AFM: variants seen among roughly 807,000 people sequenced by gnomAD.
AFM encodes the protein alpha-Alb.
Under a neutral mutation model 68.7 loss-of-function variants are expected in AFM, and 82 were observed. The observed-to-expected ratio is 1.19, with a 90% confidence interval of 1.00 to 1.43. The LOEUF (loss-of-function observed/expected upper bound fraction) is 1.43. Ranked by LOEUF, AFM falls within the 40% of genes most tolerant of loss-of-function variation. The probability of loss-of-function intolerance (pLI) is 0.00; values close to 1 mark genes in which losing one functional copy is unlikely to be tolerated. For missense variants in AFM, 772 were observed against 701.8 expected (o/e 1.10, Z -1.13); for synonymous variants, 250 against 234.2 (o/e 1.07, Z -0.61).
At position 73,484,106 on chromosome 4, in the gene AFM, A is replaced by G. The variant is rs1016229958; in HGVS notation, c.137+117A>G. On this transcript the variant is annotated intron_variant, in intron 2 of 14. Transcript: ENST00000226355. ...AAGCCATATCCAAGAAGACAACTTT[A>G]ATTATAAAATTCAGGCAAAGAAGTT... The G allele has an allele frequency of 5.9e-6, 8 of 1,362,370 alleles. No homozygotes were observed. The African/African-American group carries it at 1.2e-4, about 20-fold the overall frequency. 84.4% of individuals were successfully genotyped at this position (1,362,370 alleles called of 1,614,324 possible). A position where few individuals can be genotyped will look rare whatever the true frequency, so the allele number is the denominator to read the frequency against.
At position 73,489,035 on chromosome 4, in the gene AFM, A is replaced by G. The variant is rs575496812; in HGVS notation, c.843+276A>G. On this transcript the variant is annotated intron_variant, in intron 7 of 14. Transcript: ENST00000226355. The stretch of plus-strand genomic sequence containing the variant: ...AGAAATTTCAAATTTTTCATAGTTC[A>G]TTTAGTACAGATTGAAGTTTTCTCT... Among the ~76,000 whole-genome samples the G allele has an allele frequency of 2.6e-5, 4 of 152,298 alleles. No individual in the cohort carries two copies. The South Asian group carries it at 8.3e-4, about 32-fold the overall frequency.
At chr4:73,499,275 C>CTT (rs67050083) in intron 11 of AFM, 29 bp downstream of exon 11, 1,449 of 1,217,902 alleles carry the variant, frequency 1.2e-3, no homozygotes, top group South Asian at 1.6e-3. Context: ...CCAGACTACT[C>CTT]TTTTTTTTTT....
chr4:73,498,491 T>C (rs1166259079), intron 10 of AFM, among the ~76,000 whole-genome samples: 1 of 152,192 alleles, frequency 6.6e-6, no homozygotes, highest in Non-Finnish European at 1.5e-5. Flanking sequence ...TTTGCCATGT[T>C]GCACAGGCTG....
intron 4 of AFM, among the ~76,000 whole-genome samples, chr4:73,486,747 C>T (rs1052239040): frequency 6.6e-6 from 1 of 152,140 alleles, no homozygotes; most frequent in Non-Finnish European, 1.5e-5. Context: ...GGACTCTTAT[C>T]GGGAACTGGT....
chr4:73,491,421 T>C (rs1721067857), intron 7 of AFM, among the ~76,000 whole-genome samples: 1 of 152,214 alleles, frequency 6.6e-6, no homozygotes, highest in African/African-American at 2.4e-5. Flanking sequence ...CATTCTTTCA[T>C]TCATTTATCA....
At chr4:73,486,924 C>G (rs1261108870) in intron 4 of AFM, 43 bp from the exon 5 acceptor site, 15 of 1,581,628 alleles carry the variant, frequency 9.5e-6, no homozygotes, top group Non-Finnish European at 1.3e-5. Flanking sequence ...CTTCCTGTTT[C>G]TTCCCTCACC....
At position 73,501,928 on chromosome 4, in the gene AFM, AT is replaced by A. The variant is rs1721435422; in HGVS notation, c.1779+12del. On this transcript the variant is annotated intron_variant, in intron 13 of 14. Coordinates refer to ENST00000226355, the MANE Select transcript of AFM (RefSeq NM_001133.2). ...TCTGCTTTAATGAAGAGGTAGTTTTATTTCTTTTCTACTGAAATTCAACTGG... is the reference window on the plus strand; with the variant it reads ...TCTGCTTTAATGAAGAGGTAGTTTTATTCTTTTCTACTGAAATTCAACTGG... 3.1e-6 allele frequency: 5 copies of A among 1,609,040 alleles called. No homozygotes were observed. In the African/African-American group the frequency reaches 4.0e-5, roughly 13 times the overall value.
At chr4:73,494,356 G>A (rs779759146) in intron 8 of AFM, among the ~76,000 whole-genome samples, 5 of 152,024 alleles carry the variant, frequency 3.3e-5, no homozygotes, top group Admixed American at 6.6e-5. Context: ...CTCACAAAAC[G>A]TGGAAGATCT....
rs2149342424 is a variant in AFM, at chr4:73,484,354, G to T, written c.234G>T (p.Met78Ile). 6.2e-7 allele frequency: 1 copy of T among 1,611,934 alleles called. No homozygotes were observed. The highest frequency in any genetic ancestry group is 8.5e-7 in the Non-Finnish European group (1 of 1,179,176). ...TGGTAGAATACAAAGACAGATGTAT[G>T]GCTGACAAGACGCTCCCAGAGTGTT... ...KDMVEYKDRC[M>I]ADKTLPECSK... The change falls in exon 3 of 15, where the codon ATG becomes ATT. Residue 78 changes from methionine (M) to isoleucine (I), a missense_variant. Physicochemically the swap from Met to Ile is conservative, Grantham distance 10. Transcript: ENST00000226355.
chr4:73,499,273 CTCT>C, intron 11 of AFM, 27 bp downstream of exon 11: 1 of 1,418,202 alleles, frequency 7.1e-7, no homozygotes. Context: ...TACCAGACTA[CTCT>C]TTTTTTTTTT....
chr4:73,482,868 C>T lies in AFM; in HGVS notation c.88+1005C>T, dbSNP rs561953202. Among the ~76,000 whole-genome samples, 10 of 152,204 alleles carry T rather than the reference C, an allele frequency of 6.6e-5. No homozygotes were observed. The South Asian group carries it at 1.7e-3, about 25-fold the overall frequency. ...ACATTACATATACCACTACCTGACTCGTATTTCTTAGTGTATAGAAATGAT... is the reference window on the plus strand; with the variant it reads ...ACATTACATATACCACTACCTGACTTGTATTTCTTAGTGTATAGAAATGAT... On this transcript the variant is annotated intron_variant, in intron 1 of 14. Coordinates refer to ENST00000226355, the MANE Select transcript of AFM (RefSeq NM_001133.2).
intron 8 of AFM, among the ~76,000 whole-genome samples, chr4:73,494,826 C>A (rs1188942144): frequency 2.0e-5 from 3 of 152,152 alleles, no homozygotes; most frequent in Non-Finnish European, 4.4e-5. Context: ...CGTAAACACT[C>A]CCATAGTTGG....
Position 73,495,301 on chromosome 4 carries a change from T to C in AFM, c.1060T>C (p.Phe354Leu), listed in dbSNP as rs770931193. Residue 354 changes from phenylalanine (F) to leucine (L), a missense_variant and splice_region_variant, in exon 9 of 15, where the codon TTT becomes CTT. Coordinates refer to ENST00000226355, the MANE Select transcript of AFM (RefSeq NM_001133.2). ...DADPDTFFAK[F>L]TFEYSRRHPD... Reference sequence around the variant, plus strand: ...TATACAAAATTTTACACATTGCAGGTTTACTTTTGAATACTCAAGGAGACA... The same window carrying C: ...TATACAAAATTTTACACATTGCAGGCTTACTTTTGAATACTCAAGGAGACA... 4.4e-6 allele frequency: 7 copies of C among 1,576,024 alleles called. No individual in the cohort carries two copies. The highest frequency in any genetic ancestry group is 1.7e-4 in the Middle Eastern group (1 of 5,896).
intron 11 of AFM, 69 bp from the exon 12 acceptor site, chr4:73,499,935 T>C: frequency 3.0e-6 from 4 of 1,317,124 alleles, no homozygotes; most frequent in Non-Finnish European, 4.4e-6. Context: ...AGTATTCATC[T>C]AACCATATTT....
At chr4:73,488,591 G>T in intron 6 of AFM, 39 bp from the exon 7 acceptor site, 4 of 1,578,468 alleles carry the variant, frequency 2.5e-6, no homozygotes, top group Non-Finnish European at 3.5e-6. Flanking sequence ...TCTACTTGCT[G>T]TTCAAATTAT....
chr4:73,484,071 A>C, intron 2 of AFM, 82 bp downstream of exon 2: 1 of 1,385,862 alleles, frequency 7.2e-7, no homozygotes, highest in Non-Finnish European at 9.7e-7. Flanking sequence ...AAAGTAATTT[A>C]ACTAAATAGA....
At chr4:73,481,970 C>T in intron 1 of AFM, 107 bp downstream of exon 1, 1 of 785,930 alleles carries the variant, frequency 1.3e-6, no homozygotes, top group Non-Finnish European at 2.1e-6. Context: ...TTTTTTCACC[C>T]TCTCACTAAT....
chr4:73,491,955 G>A lies in AFM; in HGVS notation c.927G>A (p.Glu309=), dbSNP rs1245228309. ...AGTGCTGTGAAAAGAAAATACCAGA[G>A]CGCGGCCAGTGCATAATTAACTCAA... is the stretch of plus-strand genomic sequence containing the variant. ...IKECCEKKIP[E]RGQCIINSNK... Residue 309 remains glutamate (E), a synonymous_variant, in exon 8 of 15, where the codon GAG becomes GAA. Coordinates refer to ENST00000226355, the MANE Select transcript of AFM (RefSeq NM_001133.2). The A allele has an allele frequency of 1.9e-6, 3 of 1,613,984 alleles. No individual in the cohort carries two copies. The highest frequency in any genetic ancestry group is 3.3e-5 in the Admixed American group (2 of 60,018).
intron 7 of AFM, among the ~76,000 whole-genome samples, chr4:73,489,108 T>A (rs1157956699): frequency 2.0e-5 from 3 of 152,220 alleles, no homozygotes; most frequent in Non-Finnish European, 4.4e-5. Context: ...ATAGTAAATT[T>A]CAAGGAATGA....
Sources: gnomAD v4.1 joint callset for allele counts (sites outside exome capture counted in the v4.1 genomes callset) on GRCh38, gnomAD v4.1.1 for gene constraint, MANE v1.5 for transcripts, NCBI Gene and HGNC (gene_info 2026-07-23, HGNC 2026-07-21) for gene names.